The following NPAS3 variants were observed in gnomAD, a reference collection of about 807,000 sequenced individuals.
NPAS3 encodes neuronal PAS domain-containing protein 3.
NPAS3 carries 14 observed loss-of-function variants against 73.1 expected under a neutral mutation model. The ratio of observed to expected loss-of-function variants is 0.19; its 90% CI spans 0.13 to 0.30. NPAS3 has a LOEUF of 0.30. Ranked by LOEUF, NPAS3 falls within the 10% of genes least tolerant of loss-of-function variation. The pLI is 1.00. For synonymous variants in NPAS3, 620 were observed against 541.5 expected (o/e 1.14, Z -2.01); for missense variants, 1,096 against 1,250.0 (o/e 0.88, Z 1.86).
intron 3 of NPAS3, among the ~76,000 whole-genome samples, chr14:33,315,593 T>C (rs971732554): frequency 2.0e-5 from 3 of 151,512 alleles, no homozygotes; most frequent in African/African-American, 2.4e-5. Context: ...TTTAGCAGGA[T>C]TGTAAGAGAT....
chr14:33,425,511 A>G (rs912516590), intron 4 of NPAS3, among the ~76,000 whole-genome samples: 2 of 150,792 alleles, frequency 1.3e-5, no homozygotes, highest in South Asian at 4.2e-4. Flanking sequence ...AAATATACTC[A>G]AGCCAGATTC....
intron 5 of NPAS3, among the ~76,000 whole-genome samples, chr14:33,616,197 G>A (rs1295612537): frequency 1.3e-5 from 2 of 152,170 alleles, no homozygotes; most frequent in Non-Finnish European, 2.9e-5. Flanking sequence ...GCTGGACAAC[G>A]GGTCTGTTGG....
intron 1 of NPAS3, among the ~76,000 whole-genome samples, chr14:33,038,752 A>G (rs1217926264): frequency 1.3e-5 from 2 of 152,186 alleles, no homozygotes; most frequent in Non-Finnish European, 2.9e-5. Flanking sequence ...ATCCAATCAG[A>G]TATTTTATAT....
intron 7 of NPAS3, among the ~76,000 whole-genome samples, chr14:33,770,665 C>T (rs987568972): frequency 1.3e-5 from 2 of 152,086 alleles, no homozygotes; most frequent in Non-Finnish European, 1.5e-5. Context: ...TTTGGGAGGC[C>T]GAGGTGGGCA....
intron 2 of NPAS3, among the ~76,000 whole-genome samples, chr14:33,107,894 C>G (rs564170459): frequency 1.3e-5 from 2 of 152,216 alleles, no homozygotes; most frequent in South Asian, 4.2e-4. Context: ...ATGGTGATAA[C>G]ATAGATTCAT....
At chr14:33,597,575 T>C (rs1483081602) in intron 5 of NPAS3, among the ~76,000 whole-genome samples, 2 of 152,262 alleles carry the variant, frequency 1.3e-5, no homozygotes, top group Non-Finnish European at 2.9e-5. Context: ...CATGTTGATT[T>C]TCTTCATACA....
chr14:33,387,707 G>T (rs188346188), intron 4 of NPAS3, among the ~76,000 whole-genome samples: 1 of 152,190 alleles, frequency 6.6e-6, no homozygotes, highest in African/African-American at 2.4e-5. Flanking sequence ...TGGAGTGGTG[G>T]TAGGTCTCAT....
intron 3 of NPAS3, among the ~76,000 whole-genome samples, chr14:33,362,379 C>A (rs999980831): frequency 4.6e-5 from 7 of 152,174 alleles, no homozygotes; most frequent in African/African-American, 1.7e-4. Context: ...CTCATACATA[C>A]CTCATGAACT....
intron 6 of NPAS3, among the ~76,000 whole-genome samples, chr14:33,730,478 T>C (rs896548859): frequency 2.6e-5 from 4 of 152,326 alleles, no homozygotes; most frequent in Middle Eastern, 3.4e-3. Flanking sequence ...CTGCTTCACA[T>C]TGTCTTCCAA....
chr14:33,605,148 T>C (rs1200995467), intron 5 of NPAS3, among the ~76,000 whole-genome samples: 1 of 151,954 alleles, frequency 6.6e-6, no homozygotes, highest in African/African-American at 2.4e-5. Context: ...ACTTGTTCTT[T>C]GAGAAGTCCA....
intron 2 of NPAS3, among the ~76,000 whole-genome samples, chr14:33,082,609 C>G (rs762733201): frequency 1.8e-4 from 27 of 152,174 alleles, no homozygotes; most frequent in Non-Finnish European, 3.2e-4. Context: ...GAATTTAGCA[C>G]TATACCTCAA....
At chr14:33,092,123 C>A (rs2042246540) in intron 2 of NPAS3, among the ~76,000 whole-genome samples, 1 of 152,032 alleles carries the variant, frequency 6.6e-6, no homozygotes, top group Admixed American at 6.5e-5. Flanking sequence ...CTGGCCAGGG[C>A]AATCAGGCAG....
chr14:33,518,840 A>G (rs545023656), intron 4 of NPAS3, among the ~76,000 whole-genome samples: 2 of 152,058 alleles, frequency 1.3e-5, no homozygotes, highest in East Asian at 1.9e-4. Context: ...CATGCACTCT[A>G]CCACAGTGGA....
intron 4 of NPAS3, among the ~76,000 whole-genome samples, chr14:33,436,022 C>T (rs1201507075): frequency 6.6e-6 from 1 of 152,126 alleles, no homozygotes; most frequent in Non-Finnish European, 1.5e-5. Context: ...GCCGATCCAG[C>T]CAGCCATAAA....
intron 4 of NPAS3, among the ~76,000 whole-genome samples, chr14:33,437,686 A>G (rs560400852): frequency 3.7e-4 from 56 of 152,222 alleles, no homozygotes; most frequent in Non-Finnish European, 6.9e-4. Context: ...GACTCTAACT[A>G]TTGAGTGATG....
At chr14:33,794,030 G>T in exon 10 of NPAS3, 1 of 1,612,804 alleles carries the variant, frequency 6.2e-7, no homozygotes. Context: ...TCATCTGGGT[G>T]AATTACCTTC....
intron 2 of NPAS3, among the ~76,000 whole-genome samples, chr14:33,180,730 C>T (rs1470971880): frequency 1.5e-5 from 2 of 129,188 alleles, no homozygotes; most frequent in Non-Finnish European, 3.1e-5. Flanking sequence ...ACCCTGGAGG[C>T]GGAGCTTGCA....
At chr14:33,357,769 A>G (rs2045406688) in intron 3 of NPAS3, among the ~76,000 whole-genome samples, 1 of 152,186 alleles carries the variant, frequency 6.6e-6, no homozygotes, top group South Asian at 2.1e-4. Flanking sequence ...GTGACTTGCT[A>G]GTGGGAGAGA....
At chr14:33,803,462 T>A (rs995657559), downstream of NPAS3, 1 of 152,162 alleles carries the variant, frequency 6.6e-6, no homozygotes, top group Non-Finnish European at 1.5e-5. Flanking sequence ...GTGAGCTTAC[T>A]TGAAGGATTT....
Sources: allele counts gnomAD v4.1 joint callset (sites outside exome capture counted in the v4.1 genomes callset), GRCh38; gene constraint gnomAD v4.1.1; transcripts MANE v1.5; gene names NCBI Gene and HGNC (gene_info 2026-07-23, HGNC 2026-07-21).